The following PACSIN2 variants were observed in gnomAD, a reference collection of about 807,000 sequenced individuals.
The protein encoded by PACSIN2 is protein kinase C and casein kinase substrate in neurons 2.
PACSIN2 carries 25 observed loss-of-function variants against 63.8 expected under a neutral mutation model. The observed-to-expected ratio is 0.39, with a 90% CI of 0.29 to 0.55. The LOEUF (loss-of-function observed/expected upper bound fraction) is 0.55, where lower values mean the gene tolerates loss of function less well. PACSIN2 is among the 20% of genes least tolerant of loss of function. The pLI is 0.62. For missense variants in PACSIN2, 518 were observed against 646.9 expected (o/e 0.80, Z 2.16); for synonymous variants, 255 against 256.2 (o/e 1.00, Z 0.05).
chr22:43,005,759 G>A (rs553709611), intron 1 of PACSIN2, among the ~76,000 whole-genome samples: 1 of 152,248 alleles, frequency 6.6e-6, no homozygotes, highest in South Asian at 2.1e-4. Context: ...GGCTCCTGGG[G>A]TCCATCACCT....
intron 1 of PACSIN2, among the ~76,000 whole-genome samples, chr22:43,002,705 C>T (rs1923844047): frequency 6.6e-6 from 1 of 152,056 alleles, no homozygotes; most frequent in African/African-American, 2.4e-5. Context: ...AATTTATCCC[C>T]AGGAACTAAT....
rs776906843 is a variant in PACSIN2, at chr22:42,876,284, C to T, written c.1201G>A (p.Asp401Asn). 3.7e-6 allele frequency: 6 copies of T among 1,614,080 alleles called. No individual in the cohort carries two copies. Among genetic ancestry groups the T allele is most frequent in the Non-Finnish European group, 5.1e-6 (6 of 1,180,018 alleles). The stretch of plus-strand genomic sequence containing the variant: ...GAGGAGAAGGGGTTGTTAGACTCAT[C>T]GTCTGACCAGTCGGTGGGATAGCTC... ...TQSYPTDWSD[D>N]ESNNPFSSTD... The change falls in exon 10 of 11, where the codon GAT (aspartate) becomes AAT (asparagine). Residue 401 changes from aspartate (D) to asparagine (N), a missense_variant. Physicochemically the swap from Asp to Asn is conservative, Grantham distance 23 (BLOSUM62 1). Around this residue, in one of 2 missense-constraint regions of PACSIN2, gnomAD observed 507 missense variants for 612.3 expected, o/e 0.83. Transcript: ENST00000263246.
intron 1 of PACSIN2, among the ~76,000 whole-genome samples, chr22:42,965,875 T>C (rs1920949235): frequency 6.6e-6 from 1 of 152,122 alleles, no homozygotes; most frequent in East Asian, 1.9e-4. Flanking sequence ...TCTCTTCAAA[T>C]AAGTAAATCT....
intron 1 of PACSIN2, among the ~76,000 whole-genome samples, chr22:43,009,288 C>T (rs962432361): frequency 6.6e-6 from 1 of 152,212 alleles, no homozygotes; most frequent in Admixed American, 6.5e-5. Context: ...TATCTATTGC[C>T]ACCTGTACCA....
At chr22:42,902,815 TG>T (rs1569246345) in intron 2 of PACSIN2, among the ~76,000 whole-genome samples, 2 of 152,188 alleles carry the variant, frequency 1.3e-5, no homozygotes, top group Non-Finnish European at 2.9e-5. Context: ...GGCTTCGCCA[TG>T]TTGGCCAGGC....
At position 42,943,028 on chromosome 22, in the gene PACSIN2, T is replaced by C. The variant is rs147612494; in HGVS notation, c.-77-30871A>G. 9.0e-3 allele frequency among the ~76,000 whole-genome samples: 1,378 copies of C among 152,352 alleles called. 22 individuals are homozygous for C. The highest frequency in any genetic ancestry group is 0.032 in the African/African-American group (1,310 of 41,582). ...TGTGAAGTCTTCCAGTCCATGGATGTAGGATCTCTTTCCATTTATTCAGGT... is the reference window on the plus strand; with the variant it reads ...TGTGAAGTCTTCCAGTCCATGGATGCAGGATCTCTTTCCATTTATTCAGGT... On this transcript the variant is annotated intron_variant, in intron 1 of 10. Coordinates refer to ENST00000263246, the MANE Select transcript of PACSIN2 (RefSeq NM_001184970.3).
chr22:42,963,881 C>A (rs1028362585), intron 1 of PACSIN2, among the ~76,000 whole-genome samples: 4 of 151,452 alleles, frequency 2.6e-5, no homozygotes, highest in Non-Finnish European at 5.9e-5. Flanking sequence ...GGTCTGTCAT[C>A]GCTCTAATAC....
intron 1 of PACSIN2, among the ~76,000 whole-genome samples, chr22:42,961,979 C>A (rs1220467368): frequency 2.0e-5 from 3 of 151,972 alleles, no homozygotes; most frequent in African/African-American, 7.3e-5. Flanking sequence ...TAGTTAAATC[C>A]ACGGCACCAT....
chr22:42,972,062 TG>T (rs111595676), intron 1 of PACSIN2, among the ~76,000 whole-genome samples: 35 of 149,906 alleles, frequency 2.3e-4, no homozygotes, highest in African/African-American at 4.7e-4. Context: ...TTTTGTCCAA[TG>T]GGGGGGGGAA....
At chr22:42,991,672 G>A (rs1923050821) in intron 1 of PACSIN2, among the ~76,000 whole-genome samples, 1 of 152,168 alleles carries the variant, frequency 6.6e-6, no homozygotes, top group African/African-American at 2.4e-5. Context: ...ACGAAGCTGA[G>A]AACAGTAAAC....
intron 3 of PACSIN2, among the ~76,000 whole-genome samples, chr22:42,892,236 G>C (rs1929963731): frequency 6.6e-6 from 1 of 152,210 alleles, no homozygotes; most frequent in Non-Finnish European, 1.5e-5. Flanking sequence ...AGCCGGGGCA[G>C]AAATCGAGAA....
At chr22:42,931,872 G>A (rs897077216) in intron 1 of PACSIN2, among the ~76,000 whole-genome samples, 3 of 152,032 alleles carry the variant, frequency 2.0e-5, no homozygotes, top group Admixed American at 6.5e-5. Flanking sequence ...GAACACAGGT[G>A]GTATTAATAA....
chr22:42,922,496 G>T (rs1569275855), intron 1 of PACSIN2, among the ~76,000 whole-genome samples: 2 of 152,374 alleles, frequency 1.3e-5, no homozygotes, highest in Non-Finnish European at 2.9e-5. Context: ...TCTAACTGCA[G>T]AGGTAGGCAG....
chr22:42,952,600 G>A (rs938658657), intron 1 of PACSIN2, among the ~76,000 whole-genome samples: 3 of 151,278 alleles, frequency 2.0e-5, no homozygotes, highest in Non-Finnish European at 1.5e-5. Flanking sequence ...CTCGTGATCC[G>A]CCCACCTTGG....
At chr22:42,908,331 T>C (rs1931225132) in intron 2 of PACSIN2, among the ~76,000 whole-genome samples, 1 of 151,860 alleles carries the variant, frequency 6.6e-6, no homozygotes, top group Admixed American at 6.6e-5. Context: ...CTCTCAGCCC[T>C]GCTAGGGACA....
intron 4 of PACSIN2, among the ~76,000 whole-genome samples, chr22:42,889,919 G>GA (rs888096247): frequency 5.4e-5 from 8 of 146,894 alleles, no homozygotes; most frequent in African/African-American, 1.0e-4. Flanking sequence ...AAAGGGACTT[G>GA]AAAAAAAAAT....
chr22:42,889,560 C>CA (rs1929755364), intron 4 of PACSIN2, among the ~76,000 whole-genome samples: 1 of 152,070 alleles, frequency 6.6e-6, no homozygotes, highest in Non-Finnish European at 1.5e-5. Context: ...AGCTAAGACA[C>CA]AGAGAAAAGG....
At chr22:42,975,204 C>T (rs538676364) in intron 1 of PACSIN2, among the ~76,000 whole-genome samples, 19 of 152,260 alleles carry the variant, frequency 1.2e-4, no homozygotes, top group African/African-American at 4.3e-4. Context: ...GCATGGAGGA[C>T]GCTCCCACCA....
At chr22:42,889,373 T>TACACACAAACACACACACACACACACAC (rs1929733405) in intron 4 of PACSIN2, among the ~76,000 whole-genome samples, 1 of 122,424 alleles carries the variant, frequency 8.2e-6, no homozygotes, top group Admixed American at 8.5e-5. Flanking sequence ...TAATGGTTTT[T>TACACACAAACACACACACACACACACAC]ACACACACAC....
Sources: gnomAD v4.1 joint callset for allele counts (sites outside exome capture counted in the v4.1 genomes callset) on GRCh38, gnomAD v4.1.1 for gene constraint, gnomAD v4.1.1 regional missense constraint, MANE v1.5 for transcripts, NCBI Gene and HGNC (gene_info 2026-07-23, HGNC 2026-07-21) for gene names.